Variants in SORCS1 observed in about 807,000 individuals in gnomAD.
The protein encoded by SORCS1 is sortilin related VPS10 domain containing receptor 1, also known as VPS10 domain-containing receptor SorCS1.
In SORCS1, 60 loss-of-function variants were observed where a neutral mutation model predicts 146.1. The ratio of observed to expected loss-of-function variants is 0.41; its 90% confidence interval spans 0.33 to 0.51. SORCS1 has a LOEUF of 0.51. SORCS1 is among the 20% of genes least tolerant of loss of function. The pLI is 0.21. For synonymous variants in SORCS1, 637 were observed against 584.0 expected, an observed-to-expected ratio of 1.09 and a Z score of -1.31; for missense variants, 1,352 against 1,487.6, an observed-to-expected ratio of 0.91 and a Z score of 1.50.
At chr10:106,808,376 G>C (rs888708481) in intron 3 of SORCS1, among the ~76,000 whole-genome samples, 3 of 152,134 alleles carry the variant, frequency 2.0e-5, no homozygotes, top group African/African-American at 7.2e-5. Flanking sequence ...TTGTGTTTGT[G>C]ACCTCCTGGC....
At chr10:106,883,811 G>C (rs1186466906) in intron 2 of SORCS1, among the ~76,000 whole-genome samples, 1 of 152,170 alleles carries the variant, frequency 6.6e-6, no homozygotes, top group Non-Finnish European at 1.5e-5. Context: ...AAAAGAAAAC[G>C]ATGATGTTTC....
At chr10:107,154,820 C>T (rs571890509) in intron 1 of SORCS1, among the ~76,000 whole-genome samples, 115 of 152,190 alleles carry the variant, frequency 7.6e-4, no homozygotes, top group Middle Eastern at 3.4e-3. Flanking sequence ...CCAGATGTTC[C>T]GTTAAGAAGT....
Position 106,860,237 on chromosome 10 carries a change from A to G in SORCS1, c.627-30564T>C, listed in dbSNP as rs142206374. On this transcript the variant is annotated intron_variant, in intron 2 of 25. Transcript: ENST00000263054. ...ATGGAAAATAAAATATCCATTTGTCAGTTATAAGGGTAAAGATAAATTTGG... is the reference window on the plus strand; with the variant it reads ...ATGGAAAATAAAATATCCATTTGTCGGTTATAAGGGTAAAGATAAATTTGG... Among the ~76,000 whole-genome samples the G allele has an allele frequency of 5.2e-3, 792 of 152,348 alleles. 32 individuals are homozygous for G. The highest frequency in any genetic ancestry group is 0.042 in the Admixed American group (648 of 15,304).
At chr10:107,146,255 C>A (rs145260602) in intron 1 of SORCS1, among the ~76,000 whole-genome samples, 7 of 152,132 alleles carry the variant, frequency 4.6e-5, no homozygotes, top group African/African-American at 1.4e-4. Flanking sequence ...GAATCCTAAG[C>A]GTTTGTCTCT....
chr10:107,176,457 T>G, the SORCS1 span, among the ~76,000 whole-genome samples: 1 of 151,970 alleles, frequency 6.6e-6, no homozygotes, highest in Non-Finnish European at 1.5e-5. Flanking sequence ...CACCTCAGCC[T>G]CCTGAGTAAC....
intron 1 of SORCS1, among the ~76,000 whole-genome samples, chr10:107,120,215 G>T (rs1966307411): frequency 6.6e-6 from 1 of 152,224 alleles, no homozygotes; most frequent in South Asian, 2.1e-4. Context: ...TTGAATGAAT[G>T]TTAACTACTT....
chr10:107,160,984 A>G (rs1565122229), intron 1 of SORCS1, among the ~76,000 whole-genome samples: 3 of 152,274 alleles, frequency 2.0e-5, no homozygotes, highest in Admixed American at 1.3e-4. Context: ...AATGATTCAT[A>G]CCCAGCACCT....
intron 1 of SORCS1, among the ~76,000 whole-genome samples, chr10:106,958,335 C>T (rs1955063020): frequency 6.6e-6 from 1 of 152,178 alleles, no homozygotes; most frequent in Non-Finnish European, 1.5e-5. Flanking sequence ...TTCCTGAATT[C>T]TTCTCTGAAG....
At chr10:106,685,190 C>T (rs530236829) in intron 10 of SORCS1, among the ~76,000 whole-genome samples, 1 of 152,170 alleles carries the variant, frequency 6.6e-6, no homozygotes, top group Non-Finnish European at 1.5e-5. Flanking sequence ...AGGGAATGAA[C>T]AGCTTCCATT....
intron 17 of SORCS1, among the ~76,000 whole-genome samples, chr10:106,659,833 C>A (rs1021525295): frequency 3.9e-5 from 6 of 152,096 alleles, no homozygotes; most frequent in South Asian, 2.1e-4. Flanking sequence ...ATTTCCCAAC[C>A]CCAGTGTCAT....
intron 2 of SORCS1, among the ~76,000 whole-genome samples, chr10:106,933,902 T>A (rs1216353020): frequency 6.6e-6 from 1 of 152,154 alleles, no homozygotes; most frequent in Non-Finnish European, 1.5e-5. Flanking sequence ...AAGACCAGCC[T>A]GGCCAACATG....
chr10:106,888,415 C>A (rs1164649436), intron 2 of SORCS1, among the ~76,000 whole-genome samples: 1 of 152,060 alleles, frequency 6.6e-6, no homozygotes. Context: ...AATATCAAGA[C>A]TATCATCAAA....
chr10:106,985,466 G>A (rs924117660), intron 1 of SORCS1, among the ~76,000 whole-genome samples: 10 of 151,438 alleles, frequency 6.6e-5, no homozygotes, highest in African/African-American at 2.4e-4. Context: ...GAAAGGAAAT[G>A]AATGTCTACA....
At chr10:106,671,392 T>C (rs770184359) in intron 15 of SORCS1, 25 bp from the exon 16 acceptor site, 1 of 1,613,584 alleles carries the variant, frequency 6.2e-7, no homozygotes, top group Non-Finnish European at 8.5e-7. Flanking sequence ...GGATCACAGA[T>C]ACTTGGGCAC....
chr10:106,994,314 T>C (rs1456683070), intron 1 of SORCS1, among the ~76,000 whole-genome samples: 2 of 152,186 alleles, frequency 1.3e-5, no homozygotes, highest in Non-Finnish European at 2.9e-5. Flanking sequence ...ATATGCTGAA[T>C]GTCTTAAAAA....
intron 1 of SORCS1, among the ~76,000 whole-genome samples, chr10:107,121,952 G>A (rs1302452265): frequency 6.6e-6 from 1 of 152,068 alleles, no homozygotes; most frequent in Non-Finnish European, 1.5e-5. Flanking sequence ...GAGGGAAAAG[G>A]AAAAAAGGAG....
intron 1 of SORCS1, among the ~76,000 whole-genome samples, chr10:106,971,267 C>T (rs912497175): frequency 3.5e-4 from 53 of 152,278 alleles, no homozygotes; most frequent in Non-Finnish European, 4.9e-4. Context: ...ATCAGCATCA[C>T]GCCAGTGCCC....
intron 3 of SORCS1, among the ~76,000 whole-genome samples, chr10:106,792,834 CA>C (rs905218737): frequency 6.6e-6 from 1 of 151,878 alleles, no homozygotes; most frequent in South Asian, 2.1e-4. Context: ...AATAAATATT[CA>C]AAAAAATTAA....
At chr10:107,107,785 G>T (rs1191537475) in intron 1 of SORCS1, among the ~76,000 whole-genome samples, 1 of 152,102 alleles carries the variant, frequency 6.6e-6, no homozygotes, top group Non-Finnish European at 1.5e-5. Flanking sequence ...TGCAGACCTG[G>T]AAATGGCTTT....
Sources: gnomAD v4.1 joint callset for allele counts (sites outside exome capture counted in the v4.1 genomes callset) on GRCh38, gnomAD v4.1.1 for gene constraint, MANE v1.5 for transcripts, NCBI Gene and HGNC (gene_info 2026-07-23, HGNC 2026-07-21) for gene names.